SYT6: variants seen among roughly 807,000 people sequenced by gnomAD.
SYT6 encodes synaptotagmin-6.
Under a neutral mutation model 38.4 loss-of-function variants are expected in SYT6, and 24 were observed. The ratio of observed to expected loss-of-function variants is 0.62; its 90% CI spans 0.45 to 0.88. SYT6 has a LOEUF of 0.88. SYT6 is among the 40% of genes least tolerant of loss of function. The pLI is 0.00. For missense variants in SYT6, 611 were observed against 621.0 expected, an observed-to-expected ratio of 0.98 and a Z score of 0.17; for synonymous variants, 265 against 241.9, an observed-to-expected ratio of 1.10 and a Z score of -0.89.
At chr1:114,104,947 G>A (rs186436304) in intron 3 of SYT6, among the ~76,000 whole-genome samples, 2 of 152,216 alleles carry the variant, frequency 1.3e-5, no homozygotes, top group Non-Finnish European at 2.9e-5. Context: ...CAGGTAGTGA[G>A]CATAGCACCC....
chr1:114,151,189 C>A (rs1679421706), intron 1 of SYT6, among the ~76,000 whole-genome samples: 1 of 152,162 alleles, frequency 6.6e-6, no homozygotes, highest in African/African-American at 2.4e-5. Context: ...CACCTAAATT[C>A]TCAAAATCCC....
intron 3 of SYT6, among the ~76,000 whole-genome samples, chr1:114,131,586 T>C (rs1313982737): frequency 1.3e-5 from 2 of 152,206 alleles, no homozygotes; most frequent in Non-Finnish European, 2.9e-5. Context: ...GCTTGGGGAC[T>C]TGGGGGCACA....
At chr1:114,096,227 TG>T (rs141285896) in intron 6 of SYT6, among the ~76,000 whole-genome samples, 9,136 of 152,078 alleles carry the variant, frequency 0.06, 445 homozygotes, top group African/African-American at 0.12. Context: ...TCCTGTATTG[TG>T]GGCTCCTCAC....
chr1:114,128,156 A>T lies in SYT6; in HGVS notation c.1071+9339T>A, dbSNP rs957308406. Among the ~76,000 whole-genome samples, 5 of 152,282 alleles carry T rather than the reference A, an allele frequency of 3.3e-5. No individual in the cohort carries two copies. The East Asian group carries it at 9.6e-4, about 29-fold the overall frequency. On this transcript the variant is annotated intron_variant, in intron 3 of 7. Transcript: ENST00000610222. Reference sequence around the variant, plus strand: ...TTGGGCAGGCCACCCAGGCCCCCAGACTCAGGCACACCTTTACACCCACTG... The same window carrying T: ...TTGGGCAGGCCACCCAGGCCCCCAGTCTCAGGCACACCTTTACACCCACTG...
At chr1:114,149,180 A>G (rs1679305142) in intron 1 of SYT6, among the ~76,000 whole-genome samples, 1 of 63,290 alleles carries the variant, frequency 1.6e-5, no homozygotes, top group Non-Finnish European at 3.8e-5. Flanking sequence ...GAAAAGGTGT[A>G]CCTGAGGAAT....
At chr1:114,137,074 C>T (rs1316151819) in intron 3 of SYT6, among the ~76,000 whole-genome samples, 1 of 152,198 alleles carries the variant, frequency 6.6e-6, no homozygotes, top group African/African-American at 2.4e-5. Flanking sequence ...AGCTGCAAAG[C>T]ACATGAAACA....
intron 1 of SYT6, among the ~76,000 whole-genome samples, chr1:114,144,787 A>G (rs1374332258): frequency 6.6e-6 from 1 of 152,186 alleles, no homozygotes; most frequent in African/African-American, 2.4e-5. Flanking sequence ...GGGGCCAAGA[A>G]GGAGTTGAGG....
In SYT6 at chr1:114,137,750, G is replaced by T; in HGVS notation, c.816C>A (p.Tyr272Ter). ...GCTTGCATTTGCGGTCAGGCAGGAG[G>T]TAGATCTTGACATAAGGGTCAGAGC... ...CGSSDPYVKI[Y>*]LLPDRKCKLQ... The change falls in exon 3 of 8, where the codon TAC (tyrosine) becomes TAA (stop). Residue 272 changes from tyrosine (Y) to a stop codon, truncating the protein, a stop_gained. Transcript: ENST00000610222. LOFTEE classifies it high-confidence loss of function. 6.2e-7 allele frequency: 1 copy of T among 1,614,168 alleles called. No homozygotes were observed. The highest frequency in any genetic ancestry group is 8.5e-7 in the Non-Finnish European group (1 of 1,180,042).
At chr1:114,139,488 A>G in intron 2 of SYT6, 127 bp downstream of exon 2, 2 of 1,412,532 alleles carry the variant, frequency 1.4e-6, no homozygotes. Flanking sequence ...ATCATCTGAC[A>G]TATTTGTCAA....
intron 1 of SYT6, among the ~76,000 whole-genome samples, chr1:114,147,908 T>C (rs1263131726): frequency 6.6e-6 from 1 of 152,184 alleles, no homozygotes; most frequent in Non-Finnish European, 1.5e-5. Context: ...AGGATAACAG[T>C]TGACTGTGTA....
At chr1:114,148,481 G>C (rs1679266962) in intron 1 of SYT6, among the ~76,000 whole-genome samples, 1 of 152,216 alleles carries the variant, frequency 6.6e-6, no homozygotes, top group Admixed American at 6.5e-5. Flanking sequence ...TCAGTGCTCA[G>C]GCTGGGGAGA....
rs1255668399 is a variant in SYT6 at position 114,139,787 on chromosome 1, T to G, written c.340A>C (p.Asn114His). ...GGGTCCTTCAGCTTGTCCGCCATGT[T>G]GCCTCTGAAGCTGGGGCTCTGGAGG... Reference protein sequence around the residue: ...EALQSPSFRGNMADKLKDPST... With the variant: ...EALQSPSFRGHMADKLKDPST... Residue 114 changes from asparagine (N) to histidine (H), a missense_variant, in exon 2 of 8, where the codon AAC becomes CAC. Asn to His is a moderately conservative substitution (Grantham distance 68). Transcript: ENST00000610222. The G allele has an allele frequency of 2.5e-6, 4 of 1,612,292 alleles. No individual in the cohort carries two copies. The South Asian group carries it at 4.4e-5, about 18-fold the overall frequency.
chr1:114,115,803 T>A (rs1676959111), intron 3 of SYT6, among the ~76,000 whole-genome samples: 1 of 151,976 alleles, frequency 6.6e-6, no homozygotes, highest in South Asian at 2.1e-4. Context: ...CTCATAGAGG[T>A]TAAATAACTT....
intron 6 of SYT6, among the ~76,000 whole-genome samples, chr1:114,095,581 C>T (rs1293249038): frequency 1.3e-5 from 2 of 152,168 alleles, no homozygotes; most frequent in Non-Finnish European, 1.5e-5. Flanking sequence ...GTCAGAGTTT[C>T]CTAGAAAAGC....
chr1:114,150,770 T>C (rs1344157604), intron 1 of SYT6, among the ~76,000 whole-genome samples: 3 of 152,200 alleles, frequency 2.0e-5, no homozygotes, highest in African/African-American at 4.8e-5. Context: ...GGCCTATGGC[T>C]TCAGAGTTTT....
intron 1 of SYT6, among the ~76,000 whole-genome samples, chr1:114,144,578 A>G (rs1461045629): frequency 6.6e-6 from 1 of 152,238 alleles, no homozygotes; most frequent in East Asian, 1.9e-4. Context: ...AGAAACTGGC[A>G]CATGGAATGA....
intron 1 of SYT6, among the ~76,000 whole-genome samples, chr1:114,145,169 CT>C (rs989837594): frequency 4.7e-4 from 71 of 152,246 alleles, no homozygotes; most frequent in African/African-American, 1.6e-3. Flanking sequence ...TATTTATAAT[CT>C]TTAAAAGAAA....
chr1:114,094,583 C>G (rs918167704), intron 6 of SYT6, among the ~76,000 whole-genome samples: 6 of 152,136 alleles, frequency 3.9e-5, no homozygotes, highest in African/African-American at 1.4e-4. Flanking sequence ...GGAAAGACAC[C>G]TTTTCAGTTA....
rs1676138137 is a variant in SYT6 at position 114,104,190 on chromosome 1, C to G, written c.1072-469G>C. On this transcript the variant is annotated intron_variant, in intron 3 of 7. Coordinates refer to ENST00000610222, the MANE Select transcript of SYT6 (RefSeq NM_001253772.2). ...AGACTTCAGCTGTCCCCTCTCCCAGCAGGTCCATGATTCTTTTCTTCTTCT... is the reference window on the plus strand; with the variant it reads ...AGACTTCAGCTGTCCCCTCTCCCAGGAGGTCCATGATTCTTTTCTTCTTCT... Among the ~76,000 whole-genome samples, 4 of 152,352 alleles carry G rather than the reference C, an allele frequency of 2.6e-5. No homozygotes were observed. The South Asian group carries it at 8.3e-4, about 32-fold the overall frequency.
Sources: gnomAD v4.1 joint callset for allele counts (sites outside exome capture counted in the v4.1 genomes callset) on GRCh38, gnomAD v4.1.1 for gene constraint, MANE v1.5 for transcripts, NCBI Gene and HGNC (gene_info 2026-07-23, HGNC 2026-07-21) for gene names.